GRID1: variants seen among roughly 807,000 people sequenced by gnomAD.
GRID1 encodes the protein glutamate receptor ionotropic, delta-1.
A neutral mutation model predicts 98.0 loss-of-function variants in GRID1; 28 were observed. The ratio of observed to expected loss-of-function variants is 0.29; its 90% CI spans 0.21 to 0.39. The LOEUF is 0.39. Among genes scored for constraint, GRID1 ranks in the 10% least tolerant of loss-of-function variants. The pLI, the probability that GRID1 is intolerant of heterozygous loss-of-function variation, is 1.00. For synonymous variants in GRID1, 553 were observed against 538.5 expected (o/e 1.03, Z -0.37); for missense variants, 1,111 against 1,340.5 (o/e 0.83, Z 2.67).
chr10:86,317,031 A>G (rs899916052), intron 2 of GRID1, among the ~76,000 whole-genome samples: 1 of 152,162 alleles, frequency 6.6e-6, no homozygotes. Context: ...ATTCTGATCC[A>G]CGTGGCCCTA....
At chr10:86,243,631 C>G (rs2814340) in intron 2 of GRID1, among the ~76,000 whole-genome samples, 135,961 of 152,242 alleles carry the variant, frequency 0.89, 61,270 homozygotes, top group African/African-American at 0.92. Context: ...AGTGTCAATT[C>G]TATCATCTCC....
At chr10:86,070,407 G>A (rs554163894) in intron 4 of GRID1, among the ~76,000 whole-genome samples, 1 of 152,262 alleles carries the variant, frequency 6.6e-6, no homozygotes, top group Admixed American at 6.5e-5. Context: ...CCTTCCATAG[G>A]GAGGCTATTT....
intron 3 of GRID1, among the ~76,000 whole-genome samples, chr10:86,144,040 G>A (rs1441745084): frequency 2.6e-5 from 4 of 152,152 alleles, no homozygotes; most frequent in Non-Finnish European, 5.9e-5. Flanking sequence ...AGTACTCACT[G>A]AGCACTCTGT....
chr10:85,647,462 A>C, intron 12 of GRID1, 65 bp from the exon 13 acceptor site: 3 of 1,280,640 alleles, frequency 2.3e-6, no homozygotes, highest in Non-Finnish European at 3.4e-6. Flanking sequence ...AAGGATACAA[A>C]TGGGCTGCAA....
At chr10:86,193,330 G>A (rs550446669) in intron 3 of GRID1, among the ~76,000 whole-genome samples, 63 of 152,266 alleles carry the variant, frequency 4.1e-4, no homozygotes, top group Middle Eastern at 3.4e-3. Context: ...CTGGCACAGA[G>A]TAACTACACA....
chr10:86,017,943 C>T (rs1843000156), intron 4 of GRID1, among the ~76,000 whole-genome samples: 1 of 152,190 alleles, frequency 6.6e-6, no homozygotes, highest in African/African-American at 2.4e-5. Flanking sequence ...CCCAACAGAC[C>T]ATGCCCAGAC....
chr10:85,691,170 C>T (rs1313084721), intron 12 of GRID1, among the ~76,000 whole-genome samples: 11 of 152,236 alleles, frequency 7.2e-5, no homozygotes. Context: ...AAAAATGAAC[C>T]AATGGTTTTT....
At chr10:85,793,845 T>C (rs1842503065) in intron 8 of GRID1, among the ~76,000 whole-genome samples, 1 of 152,174 alleles carries the variant, frequency 6.6e-6, no homozygotes, top group Non-Finnish European at 1.5e-5. Flanking sequence ...CTGCAGAGCA[T>C]TCCTGGGATA....
At chr10:85,784,297 C>T (rs1842406466) in intron 8 of GRID1, among the ~76,000 whole-genome samples, 1 of 152,176 alleles carries the variant, frequency 6.6e-6, no homozygotes, top group Non-Finnish European at 1.5e-5. Flanking sequence ...ACTACATAAA[C>T]CAATCCTCAA....
At chr10:86,072,656 T>G (rs7095743) in intron 4 of GRID1, among the ~76,000 whole-genome samples, 1 of 151,942 alleles carries the variant, frequency 6.6e-6, no homozygotes, top group Admixed American at 6.6e-5. Flanking sequence ...TCGGTCTGAT[T>G]AGCACATTGA....
At chr10:85,961,605 T>C (rs1842268338) in intron 4 of GRID1, among the ~76,000 whole-genome samples, 1 of 151,256 alleles carries the variant, frequency 6.6e-6, no homozygotes, top group Non-Finnish European at 1.5e-5. Context: ...CCCTCCTTCT[T>C]TCATTCCTTC....
chr10:86,014,049 G>A (rs1204813169), intron 4 of GRID1, among the ~76,000 whole-genome samples: 1 of 152,192 alleles, frequency 6.6e-6, no homozygotes, highest in East Asian at 1.9e-4. Flanking sequence ...ACTCACTGGA[G>A]AAGTTGAAAT....
At chr10:86,189,095 C>T (rs917269525) in intron 3 of GRID1, among the ~76,000 whole-genome samples, 2 of 152,186 alleles carry the variant, frequency 1.3e-5, no homozygotes, top group Non-Finnish European at 2.9e-5. Flanking sequence ...CCCACAGGCA[C>T]CTGCTGGCAC....
At chr10:86,015,287 G>A (rs961754902) in intron 4 of GRID1, among the ~76,000 whole-genome samples, 6 of 152,232 alleles carry the variant, frequency 3.9e-5, no homozygotes, top group Non-Finnish European at 5.9e-5. Context: ...GAATAATGTC[G>A]TGAACATTTG....
At chr10:86,187,100 C>T (rs566252975) in intron 3 of GRID1, among the ~76,000 whole-genome samples, 3 of 152,308 alleles carry the variant, frequency 2.0e-5, no homozygotes, top group Admixed American at 2.0e-4. Flanking sequence ...GGACAGAGAT[C>T]CAGGTGGGTT....
chr10:85,722,768 A>G (rs1744609964), intron 12 of GRID1, among the ~76,000 whole-genome samples: 1 of 152,192 alleles, frequency 6.6e-6, no homozygotes, highest in South Asian at 2.1e-4. Flanking sequence ...TTAGCTTTGT[A>G]GCCAGCATTA....
intron 5 of GRID1, among the ~76,000 whole-genome samples, chr10:85,906,959 T>C (rs955896357): frequency 6.6e-6 from 1 of 152,086 alleles, no homozygotes; most frequent in Non-Finnish European, 1.5e-5. Flanking sequence ...ATGAATAACG[T>C]CAATAAACCT....
At chr10:85,964,012 T>G (rs1381538303) in intron 4 of GRID1, among the ~76,000 whole-genome samples, 1 of 151,964 alleles carries the variant, frequency 6.6e-6, no homozygotes, top group Admixed American at 6.6e-5. Context: ...GAGAGCCAAA[T>G]CATGAGCGAA....
intron 5 of GRID1, among the ~76,000 whole-genome samples, chr10:85,870,385 T>C (rs1843266471): frequency 6.6e-6 from 1 of 152,242 alleles, no homozygotes; most frequent in South Asian, 2.1e-4. Context: ...TCCCTACTTT[T>C]GAGGTTTTGG....
Sources: allele counts gnomAD v4.1 joint callset (sites outside exome capture counted in the v4.1 genomes callset), GRCh38; gene constraint gnomAD v4.1.1; transcripts MANE v1.5; gene names NCBI Gene and HGNC (gene_info 2026-07-23, HGNC 2026-07-21).